The following COL26A1 variants were observed in gnomAD, a reference collection of about 807,000 sequenced individuals.
The protein encoded by COL26A1 is collagen alpha-1(XXVI) chain.
COL26A1 carries 41 observed loss-of-function variants against 59.3 expected under a neutral mutation model. That is an observed-to-expected ratio of 0.69 (90% CI 0.54 to 0.90). COL26A1 has a LOEUF of 0.90. Among genes scored for constraint, COL26A1 ranks in the 40% least tolerant of loss-of-function variants. COL26A1 has a pLI of 0.00. For synonymous variants in COL26A1, 266 were observed against 256.0 expected (o/e 1.04, Z -0.37); for missense variants, 612 against 602.3 (o/e 1.02, Z -0.17).
chr7:101,444,664 C>T (rs1255994628), intron 2 of COL26A1, among the ~76,000 whole-genome samples: 1 of 151,918 alleles, frequency 6.6e-6, no homozygotes, highest in African/African-American at 2.4e-5. Flanking sequence ...ATCCGCCCAC[C>T]TCGGCCTCCC....
intron 1 of COL26A1, among the ~76,000 whole-genome samples, chr7:101,384,230 G>GTTTTTGT (rs768170962): frequency 1.4e-4 from 15 of 105,682 alleles, no homozygotes; most frequent in African/African-American, 5.5e-4. Context: ...GTTCAGGCTG[G>GTTTTTGT]TTTTTTTTTT....
chr7:101,553,366 C>T lies in COL26A1; in HGVS notation c.1070C>T (p.Ala357Val). Reference sequence around the variant, plus strand: ...AAGGGGGAAGAAGGAGAGAAAGCCGCCACTGCAGAGGTAACCATGGCTGCC... The same window carrying T: ...AAGGGGGAAGAAGGAGAGAAAGCCGTCACTGCAGAGGTAACCATGGCTGCC... ...GVKGEEGEKAATAEGEGVQQL... is the reference protein window; with the variant it reads ...GVKGEEGEKAVTAEGEGVQQL... Residue 357 changes from alanine to valine, a missense_variant, in exon 11 of 13, where the codon GCC becomes GTC. Coordinates refer to ENST00000313669, the MANE Select transcript of COL26A1 (RefSeq NM_001278563.3). 6.2e-7 allele frequency: 1 copy of T among 1,613,780 alleles called. No homozygotes were observed. The highest frequency in any genetic ancestry group is 1.7e-5 in the Admixed American group (1 of 60,018).
intron 3 of COL26A1, among the ~76,000 whole-genome samples, chr7:101,522,013 A>T (rs1467058586): frequency 6.6e-6 from 1 of 152,164 alleles, no homozygotes; most frequent in Admixed American, 6.5e-5. Flanking sequence ...CCAGTTGGCC[A>T]TTAATAGGAA....
chr7:101,496,085 A>G (rs1364472442), intron 3 of COL26A1, among the ~76,000 whole-genome samples: 5 of 152,042 alleles, frequency 3.3e-5, no homozygotes, highest in Admixed American at 6.6e-5. Context: ...TGTCTCAGGG[A>G]AAAAAATAAA....
chr7:101,450,587 C>T (rs1793306945), intron 3 of COL26A1, among the ~76,000 whole-genome samples: 1 of 151,592 alleles, frequency 6.6e-6, no homozygotes, highest in Non-Finnish European at 1.5e-5. Flanking sequence ...AAGGCCAGAC[C>T]TCCTTTAGGG....
chr7:101,547,351 G>T, intron 8 of COL26A1, 112 bp downstream of exon 8: 1 of 654,136 alleles, frequency 1.5e-6, no homozygotes, highest in Non-Finnish European at 2.6e-6. Flanking sequence ...TGGCTTCTGG[G>T]CAATGCTGGG....
At chr7:101,465,277 C>T (rs1159552466) in intron 3 of COL26A1, among the ~76,000 whole-genome samples, 1 of 152,012 alleles carries the variant, frequency 6.6e-6, no homozygotes, top group Non-Finnish European at 1.5e-5. Context: ...TGGGCTCAAA[C>T]GATCCTCCTG....
intron 3 of COL26A1, among the ~76,000 whole-genome samples, chr7:101,504,544 TCTGAG>T (rs1794767517): frequency 6.6e-6 from 1 of 152,278 alleles, no homozygotes; most frequent in East Asian, 1.9e-4. Context: ...AGGGCTTCTG[TCTGAG>T]CTGTGACCCC....
At chr7:101,534,813 G>C (rs1795447901) in intron 4 of COL26A1, among the ~76,000 whole-genome samples, 1 of 150,770 alleles carries the variant, frequency 6.6e-6, no homozygotes, top group Admixed American at 6.6e-5. Context: ...CCCGCCAGCT[G>C]GGTGACTCTC....
intron 2 of COL26A1, among the ~76,000 whole-genome samples, chr7:101,428,022 G>C (rs954093869): frequency 6.6e-6 from 1 of 152,050 alleles, no homozygotes; most frequent in Non-Finnish European, 1.5e-5. Flanking sequence ...TTTCTACGGC[G>C]TGAGTATATT....
chr7:101,388,103 A>T (rs896657821), intron 1 of COL26A1, among the ~76,000 whole-genome samples: 3 of 151,752 alleles, frequency 2.0e-5, no homozygotes, highest in Non-Finnish European at 2.9e-5. Context: ...TGTATAGCAC[A>T]GTGGCATTAA....
At chr7:101,468,955 C>T (rs930238677) in intron 3 of COL26A1, among the ~76,000 whole-genome samples, 1 of 152,234 alleles carries the variant, frequency 6.6e-6, no homozygotes, top group Non-Finnish European at 1.5e-5. Context: ...GGCCAAGTCA[C>T]AGCCTCGCAG....
At chr7:101,557,321 A>G (rs139225243) in intron 12 of COL26A1, 49 bp from the exon 13 acceptor site, 1 of 1,558,190 alleles carries the variant, frequency 6.4e-7, no homozygotes, top group South Asian at 1.2e-5. Context: ...TGTACCCCCA[A>G]GTGTTCCTAA....
At chr7:101,475,810 TTCTTTC>T (rs1479899221) in intron 3 of COL26A1, among the ~76,000 whole-genome samples, 10 of 41,700 alleles carry the variant, frequency 2.4e-4, no homozygotes, top group African/African-American at 1.4e-3. Flanking sequence ...CCTTCCTTCT[TTCTTTC>T]TTTCTCTCTC....
chr7:101,425,850 G>A (rs74721062), intron 2 of COL26A1, among the ~76,000 whole-genome samples: 1,746 of 143,644 alleles, frequency 0.012, 44 homozygotes, highest in African/African-American at 0.044. Flanking sequence ...TTTTGGAGAC[G>A]GAATGTCATT....
Position 101,363,104 on chromosome 7 carries a change from C to A in COL26A1, c.72C>A (p.Leu24=). The part of the protein sequence containing the change: ...LCGSALATGF[L]YPFSAAALQQ... ...GGTCGGCGCTGGCCACCGGCTTCCTCTATCCCTTCTCGGCCGCAGCTCTGC... is the reference window on the plus strand; with the variant it reads ...GGTCGGCGCTGGCCACCGGCTTCCTATATCCCTTCTCGGCCGCAGCTCTGC... The change falls in exon 1 of 13, where the codon CTC becomes CTA. Residue 24 remains leucine (L), a synonymous_variant. Coordinates refer to ENST00000313669, the MANE Select transcript of COL26A1 (RefSeq NM_001278563.3). 6.4e-7 allele frequency: 1 copy of A among 1,557,334 alleles called. No individual in the cohort carries two copies. Among genetic ancestry groups the A allele is most frequent in the South Asian group, 1.2e-5 (1 of 85,534 alleles).
intron 2 of COL26A1, among the ~76,000 whole-genome samples, chr7:101,421,161 T>A (rs2130281376): frequency 6.6e-6 from 1 of 152,278 alleles, no homozygotes; most frequent in Non-Finnish European, 1.5e-5. Context: ...AATTGGCTTG[T>A]ATGATTATGG....
At chr7:101,520,359 C>T (rs1029082812) in intron 3 of COL26A1, among the ~76,000 whole-genome samples, 1 of 152,072 alleles carries the variant, frequency 6.6e-6, no homozygotes, top group Non-Finnish European at 1.5e-5. Flanking sequence ...ATAGCAGAGC[C>T]TTTTATAGCC....
At chr7:101,427,173 C>T (rs1792668481) in intron 2 of COL26A1, among the ~76,000 whole-genome samples, 1 of 152,210 alleles carries the variant, frequency 6.6e-6, no homozygotes, top group Non-Finnish European at 1.5e-5. Context: ...ATCCTCATGC[C>T]TTAGCCTCCC....
Sources: gnomAD v4.1 joint callset for allele counts (sites outside exome capture counted in the v4.1 genomes callset) on GRCh38, gnomAD v4.1.1 for gene constraint, MANE v1.5 for transcripts, NCBI Gene and HGNC (gene_info 2026-07-23, HGNC 2026-07-21) for gene names.